The following NTRK2 variants were observed in gnomAD, a reference collection of about 807,000 sequenced individuals.
NTRK2 encodes neurotrophic receptor tyrosine kinase 2.
A neutral mutation model predicts 94.5 loss-of-function variants in NTRK2; 13 were observed. The observed-to-expected ratio is 0.14, with a 90% CI of 0.09 to 0.22. NTRK2 has a LOEUF of 0.22. NTRK2 is among the 10% of genes least tolerant of loss of function. The probability of loss-of-function intolerance (pLI) is 1.00; values close to 1 mark genes in which losing one functional copy is unlikely to be tolerated. For missense variants in NTRK2, 639 were observed against 1,071.2 expected, an observed-to-expected ratio of 0.60 and a Z score of 5.63; for synonymous variants, 372 against 407.4, an observed-to-expected ratio of 0.91 and a Z score of 1.05.
At chr9:85,000,739 T>C (rs1409800552) in intron 17 of NTRK2, among the ~76,000 whole-genome samples, 8 of 152,250 alleles carry the variant, frequency 5.3e-5, no homozygotes, top group Admixed American at 5.2e-4. Context: ...TGCAGGTTTC[T>C]GTGGACATAA....
At chr9:84,758,368 C>A (rs184639355) in intron 12 of NTRK2, among the ~76,000 whole-genome samples, 1 of 151,550 alleles carries the variant, frequency 6.6e-6, no homozygotes, top group Non-Finnish European at 1.5e-5. Flanking sequence ...TAAACTTAGC[C>A]CTTTAGTCTT....
At chr9:84,787,326 AC>A (rs2133137294) in intron 12 of NTRK2, among the ~76,000 whole-genome samples, 1 of 152,128 alleles carries the variant, frequency 6.6e-6, no homozygotes, top group East Asian at 1.9e-4. Context: ...AACAAAACAA[AC>A]AAACAAACAA....
intron 12 of NTRK2, among the ~76,000 whole-genome samples, chr9:84,849,660 A>C (rs2074656652): frequency 6.6e-6 from 1 of 152,180 alleles, no homozygotes; most frequent in Admixed American, 6.5e-5. Flanking sequence ...ACAGTTTAGG[A>C]GGAGGTTACA....
At chr9:84,805,861 G>C (rs571103639) in intron 12 of NTRK2, among the ~76,000 whole-genome samples, 3 of 152,246 alleles carry the variant, frequency 2.0e-5, no homozygotes, top group Admixed American at 1.3e-4. Context: ...CAGCCTCCTG[G>C]GCATGTCATG....
chr9:84,725,366 A>G (rs1442668904), intron 8 of NTRK2, among the ~76,000 whole-genome samples: 4 of 152,162 alleles, frequency 2.6e-5, no homozygotes, highest in Admixed American at 6.5e-5. Context: ...CATCATTTTG[A>G]CCCACTCAGA....
intron 14 of NTRK2, among the ~76,000 whole-genome samples, chr9:84,915,631 C>G (rs1719637249): frequency 6.6e-6 from 1 of 152,266 alleles, no homozygotes; most frequent in East Asian, 1.9e-4. Context: ...TTATAAATTA[C>G]CCAGCCTCAG....
At chr9:84,881,754 A>G (rs75311418) in intron 14 of NTRK2, among the ~76,000 whole-genome samples, 1 of 152,132 alleles carries the variant, frequency 6.6e-6, no homozygotes, top group African/African-American at 2.4e-5. Flanking sequence ...GCCCATTGCC[A>G]TGTCTGTTCA....
intron 14 of NTRK2, among the ~76,000 whole-genome samples, chr9:84,883,276 G>A (rs924332932): frequency 2.0e-5 from 3 of 152,218 alleles, no homozygotes; most frequent in Non-Finnish European, 2.9e-5. Flanking sequence ...GTAAGGTGAC[G>A]TGAGGTGGCA....
At chr9:84,911,566 A>G (rs889560758) in intron 14 of NTRK2, among the ~76,000 whole-genome samples, 1 of 152,118 alleles carries the variant, frequency 6.6e-6, no homozygotes, top group African/African-American at 2.4e-5. Context: ...ACGTTGTTTG[A>G]AGTATTCCCT....
intron 17 of NTRK2, among the ~76,000 whole-genome samples, chr9:84,996,757 T>A (rs4242631): frequency 0.73 from 111,010 of 152,116 alleles, 41,138 homozygotes; most frequent in African/African-American, 0.82. Context: ...ACAGAGGAGA[T>A]GAAAAGAAAG....
At chr9:84,706,521 G>GTTTTATTTTTTTT (rs2061083545) in intron 4 of NTRK2, among the ~76,000 whole-genome samples, 1 of 95,336 alleles carries the variant, frequency 1.0e-5, no homozygotes, top group Non-Finnish European at 2.0e-5. Flanking sequence ...GTTATTTTTT[G>GTTTTATTTTTTTT]TTTTTGTTTT....
rs760542745 is a variant in NTRK2, at chr9:84,991,738, A to G, written c.2173-28468A>G. Among the ~76,000 whole-genome samples, 65 of 152,170 alleles carry G rather than the reference A, an allele frequency of 4.3e-4. 2 individuals carry two copies. Among genetic ancestry groups the G allele is most frequent in the Admixed American group, 2.0e-3 (31 of 15,280 alleles). ...GGTAGGAGGGAGGGGAAGAAAAGTCATTAAAGTCGGCCAATTAGTATGCAG... is the reference window on the plus strand; with the variant it reads ...GGTAGGAGGGAGGGGAAGAAAAGTCGTTAAAGTCGGCCAATTAGTATGCAG... On this transcript the variant is annotated intron_variant, in intron 17 of 18. Coordinates refer to ENST00000277120, the MANE Select transcript of NTRK2 (RefSeq NM_006180.6).
intron 17 of NTRK2, among the ~76,000 whole-genome samples, chr9:84,991,607 A>G (rs974067319): frequency 2.0e-5 from 3 of 151,942 alleles, no homozygotes; most frequent in African/African-American, 7.3e-5. Context: ...TTTTCTCCCC[A>G]CATCTCTATG....
At chr9:85,003,993 A>T (rs1284196445) in intron 17 of NTRK2, among the ~76,000 whole-genome samples, 1 of 143,298 alleles carries the variant, frequency 7.0e-6, no homozygotes, top group East Asian at 1.9e-4. Flanking sequence ...AAGAAGAAGG[A>T]AAGAAAGAAA....
At chr9:84,878,631 TAA>T (rs35468448) in intron 14 of NTRK2, among the ~76,000 whole-genome samples, 16 of 135,590 alleles carry the variant, frequency 1.2e-4, no homozygotes, top group Admixed American at 1.5e-4. Flanking sequence ...AGACTATGTC[TAA>T]AAAAAAAAAA....
At chr9:84,852,190 C>T (rs754257171) in intron 12 of NTRK2, among the ~76,000 whole-genome samples, 2 of 152,182 alleles carry the variant, frequency 1.3e-5, no homozygotes, top group Non-Finnish European at 2.9e-5. Flanking sequence ...CCTGCAGGGC[C>T]ACTAACATCG....
chr9:84,760,720 G>A (rs1588426144), intron 12 of NTRK2, among the ~76,000 whole-genome samples: 1 of 152,144 alleles, frequency 6.6e-6, no homozygotes, highest in Non-Finnish European at 1.5e-5. Flanking sequence ...AGTTTTTCAG[G>A]GGAGAAATAT....
intron 6 of NTRK2, among the ~76,000 whole-genome samples, chr9:84,722,143 ACT>A (rs959755200): frequency 1.2e-4 from 17 of 142,644 alleles, no homozygotes; most frequent in Admixed American, 4.2e-4. Flanking sequence ...GCCCTGTATA[ACT>A]CTGGCTATTA....
intron 14 of NTRK2, among the ~76,000 whole-genome samples, chr9:84,911,784 C>A (rs1461064157): frequency 2.0e-5 from 3 of 151,252 alleles, no homozygotes; most frequent in Non-Finnish European, 4.4e-5. Flanking sequence ...TTTAAAATTC[C>A]TTTTCTCTGC....
Sources: allele counts gnomAD v4.1 joint callset (sites outside exome capture counted in the v4.1 genomes callset), GRCh38; gene constraint gnomAD v4.1.1; transcripts MANE v1.5; gene names NCBI Gene and HGNC (gene_info 2026-07-23, HGNC 2026-07-21).